Variants in ASAP1 observed in about 807,000 individuals in gnomAD.
The protein encoded by ASAP1 is ArfGAP with SH3 domain, ankyrin repeat and PH domain 1, also known as arf-GAP with SH3 domain, ANK repeat and PH domain-containing protein 1.
ASAP1 carries 43 observed loss-of-function variants against 145.2 expected under a neutral mutation model. The ratio of observed to expected loss-of-function variants is 0.30; its 90% CI spans 0.23 to 0.38. The LOEUF (loss-of-function observed/expected upper bound fraction) is 0.38, where lower values mean the gene tolerates loss of function less well. Ranked by LOEUF, ASAP1 falls within the 10% of genes least tolerant of loss-of-function variation. The probability of loss-of-function intolerance (pLI) is 1.00; values close to 1 mark genes in which losing one functional copy is unlikely to be tolerated. For missense variants in ASAP1, 1,018 were observed against 1,355.3 expected, an observed-to-expected ratio of 0.75 and a Z score of 3.91; for synonymous variants, 546 against 515.5, an observed-to-expected ratio of 1.06 and a Z score of -0.80.
At chr8:130,335,185 T>C (rs1427956914) in intron 3 of ASAP1, among the ~76,000 whole-genome samples, 1 of 152,238 alleles carries the variant, frequency 6.6e-6, no homozygotes, top group Non-Finnish European at 1.5e-5. Context: ...TCTCAGGCTG[T>C]ATTCCCTTTC....
At chr8:130,103,899 C>T (rs997435774) in intron 24 of ASAP1, among the ~76,000 whole-genome samples, 17 of 152,192 alleles carry the variant, frequency 1.1e-4, no homozygotes, top group Non-Finnish European at 2.1e-4. Context: ...GTTTTGGTTA[C>T]ATCTTCATTT....
At chr8:130,433,848 T>C (rs1016380203) in intron 1 of ASAP1, among the ~76,000 whole-genome samples, 3 of 152,182 alleles carry the variant, frequency 2.0e-5, no homozygotes, top group Non-Finnish European at 4.4e-5. Flanking sequence ...GTTTTCACAA[T>C]TTACAGACTA....
At chr8:130,369,021 G>C (rs1237191016) in intron 2 of ASAP1, among the ~76,000 whole-genome samples, 2 of 152,176 alleles carry the variant, frequency 1.3e-5, no homozygotes, top group African/African-American at 4.8e-5. Flanking sequence ...CACTGCCTTA[G>C]GGCCTCAGCT....
chr8:130,072,830 C>CGCGCGCGCGCGCACGCGCG lies in ASAP1; in HGVS notation c.2701+3517_2701+3518insCGCGCGTGCGCGCGCGCGC, dbSNP rs1448184178. On this transcript the variant is annotated intron_variant, in intron 27 of 29. Coordinates refer to ENST00000518721, the MANE Select transcript of ASAP1 (RefSeq NM_018482.4). The stretch of plus-strand genomic sequence containing the variant: ...GTGTGTGTGTGTGTGTGTGTGCGCG[C>CGCGCGCGCGCGCACGCGCG]GGGGGGGGGCAGTTTTGGGGACTGA... Among the ~76,000 whole-genome samples, 46 of 31,924 alleles carry CGCGCGCGCGCGCACGCGCG rather than the reference C, an allele frequency of 1.4e-3. 2 individuals are homozygous for CGCGCGCGCGCGCACGCGCG. The highest frequency in any genetic ancestry group is 1.8e-3 in the African/African-American group (9 of 4,906). 20.9% of individuals were successfully genotyped at this position (31,924 alleles called of 152,430 possible). A position where few individuals can be genotyped will look rare whatever the true frequency, so the allele number is the denominator to read the frequency against.
At chr8:130,341,381 A>C (rs1028844517) in intron 3 of ASAP1, among the ~76,000 whole-genome samples, 3 of 152,180 alleles carry the variant, frequency 2.0e-5, no homozygotes, top group Non-Finnish European at 4.4e-5. Context: ...ATCTTGGGTA[A>C]GAACTGCAAG....
chr8:130,170,187 A>T (rs535698216), intron 9 of ASAP1, among the ~76,000 whole-genome samples: 38 of 98,346 alleles, frequency 3.9e-4, no homozygotes, highest in Non-Finnish European at 6.2e-4. Flanking sequence ...CATTTTAAGG[A>T]ATATCTTTTT....
intron 3 of ASAP1, among the ~76,000 whole-genome samples, chr8:130,288,511 A>G (rs1281279313): frequency 3.3e-5 from 5 of 152,222 alleles, no homozygotes; most frequent in Admixed American, 1.3e-4. Flanking sequence ...GCTCTTACAC[A>G]TTAACTCTAA....
chr8:130,160,869 G>T (rs1245323412), intron 11 of ASAP1: 5 of 1,127,222 alleles, frequency 4.4e-6, no homozygotes, highest in Non-Finnish European at 5.9e-6. Flanking sequence ...CATTGAAAAT[G>T]TTATCCATAA....
At chr8:130,302,449 A>C (rs536421911) in intron 3 of ASAP1, among the ~76,000 whole-genome samples, 14 of 152,256 alleles carry the variant, frequency 9.2e-5, no homozygotes, top group Non-Finnish European at 1.8e-4. Context: ...GCAAAACTCC[A>C]AACAAATAAA....
intron 18 of ASAP1, among the ~76,000 whole-genome samples, chr8:130,123,434 C>T (rs939598550): frequency 6.6e-6 from 1 of 152,158 alleles, no homozygotes; most frequent in Non-Finnish European, 1.5e-5. Flanking sequence ...TTTGAGAGAA[C>T]TGCCCCCATG....
intron 15 of ASAP1, 119 bp from the exon 16 acceptor site, chr8:130,128,209 A>C: frequency 1.5e-6 from 1 of 657,374 alleles, no homozygotes; most frequent in Non-Finnish European, 2.2e-6. Context: ...GTAATTCCAA[A>C]AGAGAAGCCC....
intron 29 of ASAP1, among the ~76,000 whole-genome samples, chr8:130,056,131 T>C (rs1461863216): frequency 6.6e-6 from 1 of 152,168 alleles, no homozygotes; most frequent in Non-Finnish European, 1.5e-5. Context: ...ACAAAGTGAG[T>C]TCCTCAACAT....
intron 12 of ASAP1, among the ~76,000 whole-genome samples, chr8:130,155,814 A>G (rs1044890298): frequency 6.6e-6 from 1 of 152,234 alleles, no homozygotes; most frequent in African/African-American, 2.4e-5. Context: ...TCTGGTGCTC[A>G]CAGAGAGTGC....
At chr8:130,300,404 T>C (rs1822592692) in intron 3 of ASAP1, among the ~76,000 whole-genome samples, 1 of 152,256 alleles carries the variant, frequency 6.6e-6, no homozygotes, top group South Asian at 2.1e-4. Context: ...TTTTAATTTT[T>C]TCAAGGTAAA....
intron 24 of ASAP1, among the ~76,000 whole-genome samples, chr8:130,102,893 G>T (rs2097531087): frequency 1.3e-5 from 2 of 152,182 alleles, no homozygotes; most frequent in South Asian, 4.1e-4. Flanking sequence ...GTCTCACCAT[G>T]TTGCCCAGAT....
At chr8:130,336,329 TCAGTGAACCAGCAGCAGTG>T (rs1245598594) in intron 3 of ASAP1, among the ~76,000 whole-genome samples, 2 of 152,196 alleles carry the variant, frequency 1.3e-5, no homozygotes, top group East Asian at 3.8e-4. Flanking sequence ...CCTAGTGTGG[TCAGTGAACCAGCAGCAGTG>T]GCATCACCTG....
chr8:130,185,406 C>T (rs1333204758), intron 7 of ASAP1, among the ~76,000 whole-genome samples: 2 of 152,074 alleles, frequency 1.3e-5, no homozygotes, highest in Non-Finnish European at 2.9e-5. Context: ...GTGGTCTTCA[C>T]CAAATTTAGA....
At chr8:130,148,257 G>A (rs2097637600) in intron 13 of ASAP1, among the ~76,000 whole-genome samples, 1 of 152,232 alleles carries the variant, frequency 6.6e-6, no homozygotes, top group African/African-American at 2.4e-5. Flanking sequence ...AAAGAGTACA[G>A]GCTTTAAGGC....
rs376786284 is a variant in ASAP1, at chr8:130,085,735, T to TAAAAAAAAAAA, written c.2573-5765_2573-5764insTTTTTTTTTTT. Among the ~76,000 whole-genome samples the TAAAAAAAAAAA allele has an allele frequency of 1.6e-5, 2 of 125,312 alleles. 1 individual carries two copies. Among genetic ancestry groups the TAAAAAAAAAAA allele is most frequent in the Non-Finnish European group, 3.3e-5 (2 of 61,134 alleles). The allele number at this position is 125,312 out of a possible 152,430, so 82.2% of individuals were successfully genotyped here. ...AAGCGACAGAACAAGACGTTGTCTT[T>TAAAAAAAAAAA]AAGAAAAAAAAAAAAAAAAAGGAAA... On this transcript the variant is annotated intron_variant, in intron 25 of 29. Coordinates refer to ENST00000518721, the MANE Select transcript of ASAP1 (RefSeq NM_018482.4).
Sources: allele counts gnomAD v4.1 joint callset (sites outside exome capture counted in the v4.1 genomes callset), GRCh38; gene constraint gnomAD v4.1.1; transcripts MANE v1.5; gene names NCBI Gene and HGNC (gene_info 2026-07-23, HGNC 2026-07-21).